The following GLIS3 variants were observed in gnomAD, a reference collection of about 807,000 sequenced individuals.
GLIS3 encodes the protein GLIS family zinc finger 3.
A neutral mutation model predicts 78.6 loss-of-function variants in GLIS3; 53 were observed. That is an observed-to-expected ratio of 0.67 (90% confidence interval 0.54 to 0.85). The LOEUF (loss-of-function observed/expected upper bound fraction) is 0.85. Among genes scored for constraint, GLIS3 ranks in the 40% least tolerant of loss-of-function variants. The pLI, the probability that GLIS3 is intolerant of heterozygous loss-of-function variation, is 0.00. For missense variants in GLIS3, 1,703 were observed against 1,231.1 expected, an observed-to-expected ratio of 1.38 and a Z score of -5.74; for synonymous variants, 684 against 509.9, an observed-to-expected ratio of 1.34 and a Z score of -4.60.
the GLIS3 span, among the ~76,000 whole-genome samples, chr9:4,397,740 G>A: frequency 1.4e-5 from 2 of 144,858 alleles, no homozygotes; most frequent in African/African-American, 2.6e-5. Context: ...GAGGAAAAGA[G>A]GGAGAAAGAG....
At chr9:4,463,108 G>C in the GLIS3 span, among the ~76,000 whole-genome samples, 1 of 152,216 alleles carries the variant, frequency 6.6e-6, no homozygotes, top group Non-Finnish European at 1.5e-5. Context: ...AATACAGATA[G>C]TTCTCAGGTT....
chr9:4,026,703 T>G (rs1351418690), intron 4 of GLIS3, among the ~76,000 whole-genome samples: 1 of 152,230 alleles, frequency 6.6e-6, no homozygotes, highest in African/African-American at 2.4e-5. Flanking sequence ...TCTTTAAGCA[T>G]ATTTATTGGA....
intron 2 of GLIS3, among the ~76,000 whole-genome samples, chr9:4,251,414 G>A (rs1272163572): frequency 7.0e-6 from 1 of 143,652 alleles, no homozygotes; most frequent in Admixed American, 7.2e-5. Context: ...TTTTATTAGA[G>A]ACTAGGATTG....
At chr9:4,422,700 A>G in the GLIS3 span, among the ~76,000 whole-genome samples, 1 of 152,232 alleles carries the variant, frequency 6.6e-6, no homozygotes, top group Non-Finnish European at 1.5e-5. Context: ...GCTCAGTTAG[A>G]GATCAGAGCC....
chr9:4,326,197 G>C (rs10974464), intron 2 of GLIS3, among the ~76,000 whole-genome samples: 19,253 of 152,054 alleles, frequency 0.13, 2,804 homozygotes, highest in African/African-American at 0.36. Flanking sequence ...ACGTGTACCC[G>C]GGAACTTAAA....
intron 1 of GLIS3, among the ~76,000 whole-genome samples, chr9:4,293,243 T>C (rs901351678): frequency 6.6e-6 from 1 of 152,216 alleles, no homozygotes; most frequent in African/African-American, 2.4e-5. Flanking sequence ...CATCTACCTA[T>C]GGAAGATTCT....
the GLIS3 span, among the ~76,000 whole-genome samples, chr9:4,434,782 C>G: frequency 1.3e-5 from 2 of 152,174 alleles, no homozygotes; most frequent in Non-Finnish European, 2.9e-5. Context: ...TAAGTTAAAA[C>G]TTAAAAATCC....
intron 2 of GLIS3, among the ~76,000 whole-genome samples, chr9:4,210,866 T>C (rs530236831): frequency 9.2e-5 from 14 of 152,186 alleles, no homozygotes; most frequent in Non-Finnish European, 1.6e-4. Context: ...TGTCTGCCAT[T>C]TTCCTTCTTC....
At chr9:4,202,138 TTC>T (rs1491141016) in intron 2 of GLIS3, among the ~76,000 whole-genome samples, 7 of 127,708 alleles carry the variant, frequency 5.5e-5, no homozygotes, top group African/African-American at 2.1e-4. Context: ...ACTCTTTTTT[TTC>T]TCCCCCTTTT....
intron 4 of GLIS3, among the ~76,000 whole-genome samples, chr9:4,012,535 C>G (rs139069093): frequency 6.6e-6 from 1 of 152,010 alleles, no homozygotes; most frequent in Non-Finnish European, 1.5e-5. Flanking sequence ...TTCCTTGGTG[C>G]TTTTTAGATA....
the GLIS3 span, among the ~76,000 whole-genome samples, chr9:4,372,525 C>G: frequency 8.4e-5 from 12 of 142,108 alleles, no homozygotes; most frequent in Non-Finnish European, 1.7e-4. Context: ...CTTCAGGAGG[C>G]AATACTCCTC....
At chr9:4,270,434 G>T (rs922994589) in intron 2 of GLIS3, among the ~76,000 whole-genome samples, 1 of 152,112 alleles carries the variant, frequency 6.6e-6, no homozygotes, top group African/African-American at 2.4e-5. Flanking sequence ...CTGCTTCAGG[G>T]TCTCCCTAGG....
At chr9:4,486,900 G>C in the GLIS3 span, among the ~76,000 whole-genome samples, 1 of 152,018 alleles carries the variant, frequency 6.6e-6, no homozygotes, top group East Asian at 1.9e-4. Context: ...ATTTCACTAA[G>C]TTGCCCAGGT....
At chr9:4,427,683 A>G in the GLIS3 span, among the ~76,000 whole-genome samples, 2 of 151,944 alleles carry the variant, frequency 1.3e-5, no homozygotes, top group Non-Finnish European at 2.9e-5. Context: ...ACATGGTGAA[A>G]CCCTGTCTCT....
intron 2 of GLIS3, among the ~76,000 whole-genome samples, chr9:4,257,623 G>T (rs1349829823): frequency 7.0e-6 from 1 of 143,532 alleles, no homozygotes; most frequent in African/African-American, 2.6e-5. Context: ...GCCCAGGTTG[G>T]AGTGCACTGG....
At chr9:3,854,796 G>A (rs1044214381) in intron 9 of GLIS3, among the ~76,000 whole-genome samples, 4 of 151,794 alleles carry the variant, frequency 2.6e-5, no homozygotes, top group African/African-American at 7.3e-5. Flanking sequence ...CACCCGCCTC[G>A]GCCTCCCAAA....
At chr9:4,321,226 C>A (rs1175695980) in intron 2 of GLIS3, among the ~76,000 whole-genome samples, 1 of 143,996 alleles carries the variant, frequency 6.9e-6, no homozygotes, top group Non-Finnish European at 1.5e-5. Flanking sequence ...CGAGACCATC[C>A]TGGCTAACAC....
intron 4 of GLIS3, among the ~76,000 whole-genome samples, chr9:4,110,467 C>G (rs962333364): frequency 6.6e-6 from 1 of 152,174 alleles, no homozygotes; most frequent in African/African-American, 2.4e-5. Flanking sequence ...TCTCCCTACT[C>G]AAGCTCAGAA....
intron 4 of GLIS3, among the ~76,000 whole-genome samples, chr9:3,995,886 C>T (rs1189834761): frequency 2.0e-5 from 3 of 151,810 alleles, no homozygotes; most frequent in Non-Finnish European, 4.4e-5. Flanking sequence ...GGAGGAATGG[C>T]AACATTTTGA....
Sources: allele counts gnomAD v4.1 joint callset (sites outside exome capture counted in the v4.1 genomes callset), GRCh38; gene constraint gnomAD v4.1.1; transcripts MANE v1.5; gene names NCBI Gene and HGNC (gene_info 2026-07-23, HGNC 2026-07-21).